Variants in DAG1 observed in about 807,000 individuals in gnomAD.
DAG1 encodes dystroglycan 1.
Under a neutral mutation model 46.1 loss-of-function variants are expected in DAG1, and 8 were observed. The observed-to-expected ratio is 0.17, with a 90% CI of 0.10 to 0.31. The LOEUF (loss-of-function observed/expected upper bound fraction) is 0.31. DAG1 is among the 10% of genes least tolerant of loss of function. The pLI is 1.00. For missense variants in DAG1, 1,003 were observed against 1,189.9 expected, an observed-to-expected ratio of 0.84 and a Z score of 2.31; for synonymous variants, 495 against 481.8, an observed-to-expected ratio of 1.03 and a Z score of -0.36.
intron 1 of DAG1, among the ~76,000 whole-genome samples, chr3:49,501,396 T>C (rs1207203980): frequency 6.6e-6 from 1 of 152,194 alleles, no homozygotes; most frequent in Non-Finnish European, 1.5e-5. Flanking sequence ...AGGTGTATGG[T>C]GTATGTCTGG....
In DAG1 at chr3:49,473,896, T is replaced by C. The variant is rs546923675; in HGVS notation, c.-117+3463T>C. Among the ~76,000 whole-genome samples the C allele has an allele frequency of 2.8e-3, 414 of 150,372 alleles. 4 individuals are homozygous for C. Among genetic ancestry groups the C allele is most frequent in the African/African-American group, 9.4e-3 (383 of 40,888 alleles). On this transcript the variant is annotated intron_variant, in intron 1 of 2. Transcript: ENST00000308775. ...ACTGCGCCTGGCCTTTTTTTTTTTTTCTTCTGAGACAGAGTCTCACTCTGT... is the reference window on the plus strand; with the variant it reads ...ACTGCGCCTGGCCTTTTTTTTTTTTCCTTCTGAGACAGAGTCTCACTCTGT...
chr3:49,474,079 G>C (rs891578137), intron 1 of DAG1, among the ~76,000 whole-genome samples: 1 of 151,794 alleles, frequency 6.6e-6, no homozygotes, highest in South Asian at 2.1e-4. Context: ...TTTTGAGACC[G>C]AGTCTTGCTC....
chr3:49,500,184 T>C (rs750092137), intron 1 of DAG1, among the ~76,000 whole-genome samples: 1 of 152,084 alleles, frequency 6.6e-6, no homozygotes, highest in Non-Finnish European at 1.5e-5. Flanking sequence ...GACTAATTTT[T>C]GTATTTTTAG....
rs939586482 is a variant in DAG1, at chr3:49,510,447, G to A, written c.-88G>A. ...CTGTGTGCTCCGGGATGGAGCAGGT[G>A]TGCAGAGGGTGAGAACCCAGCTCTG... is the stretch of plus-strand genomic sequence containing the variant. On this transcript the variant is annotated 5_prime_UTR_variant, in exon 2 of 3. In the 5' UTR this introduces an upstream ATG that the reference lacks. Coordinates refer to ENST00000308775, the MANE Select transcript of DAG1 (RefSeq NM_004393.6). 74 of 1,295,558 alleles carry A rather than the reference G, an allele frequency of 5.7e-5. No individual in the cohort carries two copies. The highest frequency in any genetic ancestry group is 8.4e-5 in the Admixed American group (5 of 59,610). 80.3% of individuals were successfully genotyped at this position (1,295,558 alleles called of 1,614,324 possible). A position where few individuals can be genotyped will look rare whatever the true frequency, so the allele number is the denominator to read the frequency against.
chr3:49,531,584 T>G lies in DAG1; in HGVS notation c.1073T>G (p.Val358Gly). ...APPTETMAPP[V>G]RDPVPGKPTV... Reference sequence around the variant, plus strand: ...CCAACAGAGACCATGGCTCCTCCAGTCAGGGATCCTGTTCCTGGGAAACCC... The same window carrying G: ...CCAACAGAGACCATGGCTCCTCCAGGCAGGGATCCTGTTCCTGGGAAACCC... Residue 358 changes from valine (V) to glycine (G), a missense_variant, in exon 3 of 3, where the codon GTC (valine) becomes GGC (glycine). Transcript: ENST00000308775. The surrounding 1 kb of genome is among the most constrained non-coding windows in gnomAD (Gnocchi z 7.0). The G allele has an allele frequency of 6.2e-7, 1 of 1,612,308 alleles. No individual in the cohort carries two copies. The highest frequency in any genetic ancestry group is 8.5e-7 in the Non-Finnish European group (1 of 1,178,644).
rs55708660 is a variant in DAG1 at position 49,493,036 on chromosome 3, C to CTTTTTTTTTTTTTTTTT, written c.-116-17376_-116-17360dup. 1.5e-4 allele frequency: 13 copies of CTTTTTTTTTTTTTTTTT among 86,376 alleles called. 2 individuals carry two copies. The highest frequency in any genetic ancestry group is 3.6e-4 in the East Asian group (1 of 2,798). The allele number at this position is 86,376 out of a possible 1,614,324, so 5.4% of individuals were successfully genotyped here. ...CTTTGTGCAAATCATTATTTTTATT[C>CTTTTTTTTTTTTTTTTT]TTTTTTTTTTTTTTTTTTTTTTTGA... On this transcript the variant is annotated intron_variant, in intron 1 of 2. Coordinates refer to ENST00000308775, the MANE Select transcript of DAG1 (RefSeq NM_004393.6).
chr3:49,515,079 C>A (rs2050862369), intron 2 of DAG1, among the ~76,000 whole-genome samples: 1 of 152,060 alleles, frequency 6.6e-6, no homozygotes, highest in Admixed American at 6.5e-5. Flanking sequence ...CGTGATCCGC[C>A]CACCTTGGCC....
chr3:49,474,643 G>T (rs1188571746), intron 1 of DAG1, among the ~76,000 whole-genome samples: 1 of 151,870 alleles, frequency 6.6e-6, no homozygotes, highest in African/African-American at 2.4e-5. Flanking sequence ...ACTGCGCACC[G>T]CCCTGATTTT....
chr3:49,506,615 A>G (rs1169502321), intron 1 of DAG1, among the ~76,000 whole-genome samples: 1 of 152,180 alleles, frequency 6.6e-6, no homozygotes, highest in African/African-American at 2.4e-5. Flanking sequence ...TGAGCTGATT[A>G]ATTTTCAAAT....
At chr3:49,509,089 C>T (rs1051153186) in intron 1 of DAG1, among the ~76,000 whole-genome samples, 2 of 152,088 alleles carry the variant, frequency 1.3e-5, no homozygotes, top group Admixed American at 6.6e-5. Context: ...TCCTCAATTA[C>T]CCCTTTGGGA....
chr3:49,515,625 A>T (rs1396835366), intron 2 of DAG1, among the ~76,000 whole-genome samples: 1 of 151,814 alleles, frequency 6.6e-6, no homozygotes, highest in African/African-American at 2.4e-5. Context: ...GGCTCAAGTG[A>T]TCCTACTGCC....
Position 49,531,017 on chromosome 3 carries a change from C to T in DAG1, c.506C>T (p.Thr169Ile). ...CACAGTGAGCTGCAGTCGGTGAGGA[C>T]AGCCTCCCCAGACCCTGGTGAGGTG... is the stretch of plus-strand genomic sequence containing the variant. ...EDHSELQSVR[T>I]ASPDPGEVVS... The change falls in exon 3 of 3, where the codon ACA becomes ATA. Residue 169 changes from threonine (T) to isoleucine (I), a missense_variant. Around this residue, in one of 3 missense-constraint regions of DAG1, gnomAD observed 196 missense variants for 239.1 expected, o/e 0.82. Transcript: ENST00000308775. This position sits in a 1 kb window ranked among gnomAD's most constrained non-coding sequence, Gnocchi z 7.0. The T allele has an allele frequency of 1.2e-6, 2 of 1,614,228 alleles. No homozygotes were observed. The highest frequency in any genetic ancestry group is 1.7e-6 in the Non-Finnish European group (2 of 1,180,036).
rs774409989 is a variant in DAG1, at chr3:49,535,471, CTG to C, written c.*2275_*2276del. 17 of 152,720 alleles carry C rather than the reference CTG, an allele frequency of 1.1e-4. No homozygotes were observed. Among genetic ancestry groups the C allele is most frequent in the Admixed American group, 6.5e-4 (10 of 15,292 alleles). 9.5% of individuals were successfully genotyped at this position (152,720 alleles called of 1,614,324 possible). On this transcript the variant is annotated 3_prime_UTR_variant, in exon 3 of 3. Transcript: ENST00000308775. ...CTGGGCTGGTGATGGTCGTTGGACTCTGTGAGATGGAGAGCCAATCTCACATT... is the reference window on the plus strand; with the variant it reads ...CTGGGCTGGTGATGGTCGTTGGACTCTGAGATGGAGAGCCAATCTCACATT...
intron 1 of DAG1, among the ~76,000 whole-genome samples, chr3:49,491,507 T>C (rs371498202): frequency 3.1e-4 from 47 of 151,966 alleles, no homozygotes; most frequent in African/African-American, 1.1e-3. Context: ...AGACGGAGTC[T>C]TGCTATGTTG....
At position 49,524,160 on chromosome 3, in the gene DAG1, G is replaced by A. The variant is rs561096767; in HGVS notation, c.286-6637G>A. Among the ~76,000 whole-genome samples the A allele has an allele frequency of 3.3e-5, 5 of 152,278 alleles. No individual in the cohort carries two copies. The East Asian group carries it at 5.8e-4, about 18-fold the overall frequency. On this transcript the variant is annotated intron_variant, in intron 2 of 2. Coordinates refer to ENST00000308775, the MANE Select transcript of DAG1 (RefSeq NM_004393.6). ...AGGTGCTTTATCCCCTAGCACCTCC[G>A]GGATGAGCTAAGCCCTGAGCTGAGT... is the stretch of plus-strand genomic sequence containing the variant.
chr3:49,488,082 T>G (rs1373324385), intron 1 of DAG1, among the ~76,000 whole-genome samples: 2 of 152,160 alleles, frequency 1.3e-5, no homozygotes, highest in East Asian at 3.8e-4. Flanking sequence ...TTTGATTCAT[T>G]AGTTGTCTAG....
In DAG1 at chr3:49,532,830, C is replaced by A; in HGVS notation, c.2319C>A (p.Ile773=). The change falls in exon 3 of 3, where the codon ATC becomes ATA. Residue 773 remains isoleucine (I), a synonymous_variant. Transcript: ENST00000308775. The surrounding 1 kb of genome is among the most constrained non-coding windows in gnomAD (Gnocchi z 5.4). ...ILLIAGIIAM[I]CYRKKRKGKL... ...TCATTGCTGGCATCATTGCCATGAT[C>A]TGCTACCGCAAGAAGCGGAAGGGCA... is the stretch of plus-strand genomic sequence containing the variant. 6.2e-7 allele frequency: 1 copy of A among 1,614,104 alleles called. No individual in the cohort carries two copies. The highest frequency in any genetic ancestry group is 8.5e-7 in the Non-Finnish European group (1 of 1,180,008).
chr3:49,486,541 G>T (rs1026907766), intron 1 of DAG1, among the ~76,000 whole-genome samples: 2 of 145,068 alleles, frequency 1.4e-5, no homozygotes, highest in African/African-American at 5.1e-5. Context: ...TTGAGACAGA[G>T]TCTCACTCTG....
rs748809657 is a variant in DAG1, at chr3:49,533,247, G to A, written c.*48G>A. Reference sequence around the variant, plus strand: ...CAGGGTAGGGCAGGGGCCTGGAGACGACATGGTGTTGTCTGTGGAGACCGG... The same window carrying A: ...CAGGGTAGGGCAGGGGCCTGGAGACAACATGGTGTTGTCTGTGGAGACCGG... On this transcript the variant is annotated 3_prime_UTR_variant, in exon 3 of 3. Transcript: ENST00000308775. 2.7e-5 allele frequency: 44 copies of A among 1,601,340 alleles called. No homozygotes were observed. In the East Asian group the frequency reaches 8.7e-4, roughly 32 times the overall value.
Sources: allele counts gnomAD v4.1 joint callset (sites outside exome capture counted in the v4.1 genomes callset), GRCh38; gene constraint gnomAD v4.1.1; regional missense constraint gnomAD v4.1.1; non-coding constraint Gnocchi (gnomAD v3.1); transcripts MANE v1.5; gene names NCBI Gene and HGNC (gene_info 2026-07-23, HGNC 2026-07-21).